The following MYO1D variants were observed in gnomAD, a reference collection of about 807,000 sequenced individuals.
The protein encoded by MYO1D is myosin ID.
In MYO1D, 83 loss-of-function variants were observed where a neutral mutation model predicts 122.0. The observed-to-expected ratio is 0.68, with a 90% CI of 0.57 to 0.82. MYO1D has a LOEUF of 0.82. Among genes scored for constraint, MYO1D ranks in the 40% least tolerant of loss-of-function variants. MYO1D has a pLI of 0.00. For synonymous variants in MYO1D, 464 were observed against 446.9 expected (o/e 1.04, Z -0.48); for missense variants, 1,157 against 1,269.5 (o/e 0.91, Z 1.35).
intron 1 of MYO1D, among the ~76,000 whole-genome samples, chr17:32,805,228 A>C (rs796962250): frequency 6.6e-5 from 10 of 152,226 alleles, no homozygotes; most frequent in African/African-American, 2.2e-4. Flanking sequence ...TCCAAATTCC[A>C]GAACTGTGAG....
At chr17:32,543,905 G>A (rs1910932228) in intron 21 of MYO1D, among the ~76,000 whole-genome samples, 1 of 152,082 alleles carries the variant, frequency 6.6e-6, no homozygotes, top group Admixed American at 6.6e-5. Flanking sequence ...CAATTCTCCT[G>A]CCTCAGCCTC....
At chr17:32,715,291 A>T (rs2089429220) in intron 15 of MYO1D, among the ~76,000 whole-genome samples, 1 of 152,130 alleles carries the variant, frequency 6.6e-6, no homozygotes, top group South Asian at 2.1e-4. Context: ...ATGCCATTTG[A>T]CCCAGCAATC....
At chr17:32,684,228 T>TG (rs1258343700) in intron 16 of MYO1D, 1 of 156,150 alleles carries the variant, frequency 6.4e-6, no homozygotes, top group Non-Finnish European at 1.4e-5. Flanking sequence ...CGCTGGGAGC[T>TG]GTAGACCGGA....
At chr17:32,657,323 C>G (rs72815044) in intron 17 of MYO1D, among the ~76,000 whole-genome samples, 3,492 of 152,344 alleles carry the variant, frequency 0.023, 68 homozygotes, top group Middle Eastern at 0.041. Context: ...GTGCCTAGAT[C>G]AGGGGTTGGC....
rs1027595802 is a variant in MYO1D, at chr17:32,773,838, G to A, written c.565-996C>T. Among the ~76,000 whole-genome samples, 6 of 152,254 alleles carry A rather than the reference G, an allele frequency of 3.9e-5. No individual in the cohort carries two copies. The East Asian group carries it at 1.2e-3, about 29-fold the overall frequency. On this transcript the variant is annotated intron_variant, in intron 4 of 21. Coordinates refer to ENST00000318217, the MANE Select transcript of MYO1D (RefSeq NM_015194.3). ...GTACAATGGGCAAATGATCTGAGAT[G>A]CCTGACGTCCAGGCATTCTTTTACA... is the stretch of plus-strand genomic sequence containing the variant.
intron 4 of MYO1D, among the ~76,000 whole-genome samples, chr17:32,774,287 G>C (rs553077510): frequency 6.6e-6 from 1 of 152,306 alleles, no homozygotes; most frequent in South Asian, 2.1e-4. Flanking sequence ...CTAAGAATGA[G>C]TCTTCTCTAT....
chr17:32,513,443 T>A (rs899309972), intron 21 of MYO1D, among the ~76,000 whole-genome samples: 2 of 152,248 alleles, frequency 1.3e-5, no homozygotes, highest in South Asian at 2.1e-4. Context: ...AAAGAGAGAA[T>A]GAGTTTGTTT....
intron 21 of MYO1D, among the ~76,000 whole-genome samples, chr17:32,526,320 C>G (rs531397926): frequency 6.6e-6 from 1 of 152,310 alleles, no homozygotes; most frequent in East Asian, 1.9e-4. Flanking sequence ...TCCTTTCCCT[C>G]CAATATATTT....
chr17:32,502,006 G>A (rs1002806808), intron 21 of MYO1D, among the ~76,000 whole-genome samples: 33 of 152,090 alleles, frequency 2.2e-4, no homozygotes, highest in African/African-American at 4.8e-4. Context: ...GAATTGAATC[G>A]GAGGACACCC....
intron 21 of MYO1D, among the ~76,000 whole-genome samples, chr17:32,552,912 C>T (rs1376070913): frequency 1.3e-5 from 2 of 152,040 alleles, no homozygotes; most frequent in Non-Finnish European, 2.9e-5. Context: ...TGAAAAACAG[C>T]ATCAACCATT....
At chr17:32,524,726 C>A (rs1375170984) in intron 21 of MYO1D, among the ~76,000 whole-genome samples, 6 of 152,220 alleles carry the variant, frequency 3.9e-5, no homozygotes, top group Admixed American at 3.9e-4. Context: ...CCATGCCTGG[C>A]TGATTTTTGT....
In MYO1D at chr17:32,750,681, T is replaced by C. The variant is rs539941420; in HGVS notation, c.1468-1675A>G. 2.6e-4 allele frequency among the ~76,000 whole-genome samples: 40 copies of C among 152,314 alleles called. No individual in the cohort carries two copies. In the South Asian group the frequency reaches 8.3e-3, roughly 32 times the overall value. ...TATACAAAAACCACTTAGGTTCTAA[T>C]GTTCGATAACAAATAATCTCAACCT... On this transcript the variant is annotated intron_variant, in intron 11 of 21. Coordinates refer to ENST00000318217, the MANE Select transcript of MYO1D (RefSeq NM_015194.3).
At chr17:32,810,960 T>C (rs2090566211) in intron 1 of MYO1D, among the ~76,000 whole-genome samples, 1 of 152,254 alleles carries the variant, frequency 6.6e-6, no homozygotes. Flanking sequence ...ATTTGCCTTA[T>C]GGCATTACAC....
At chr17:32,646,015 T>G (rs566304324) in intron 19 of MYO1D, among the ~76,000 whole-genome samples, 1 of 152,278 alleles carries the variant, frequency 6.6e-6, no homozygotes, top group East Asian at 1.9e-4. Flanking sequence ...TGCTCTGTTT[T>G]TTCCCGATCT....
At chr17:32,753,568 C>T (rs1381010806) in intron 11 of MYO1D, among the ~76,000 whole-genome samples, 6 of 152,168 alleles carry the variant, frequency 3.9e-5, no homozygotes, top group Non-Finnish European at 8.8e-5. Flanking sequence ...CATGTCAAAT[C>T]AGTAGCAAAT....
chr17:32,869,062 A>T (rs955173880), intron 1 of MYO1D, among the ~76,000 whole-genome samples: 2 of 151,838 alleles, frequency 1.3e-5, no homozygotes, highest in Non-Finnish European at 2.9e-5. Context: ...TACAAAAAAA[A>T]AAAAAAATTA....
chr17:32,661,261 C>A (rs536169455), intron 16 of MYO1D, among the ~76,000 whole-genome samples: 6 of 152,284 alleles, frequency 3.9e-5, no homozygotes, highest in African/African-American at 1.4e-4. Context: ...AAAAAACACA[C>A]TAGCCCTTCT....
At chr17:32,597,850 C>T (rs562806894) in intron 21 of MYO1D, among the ~76,000 whole-genome samples, 103 of 105,870 alleles carry the variant, frequency 9.7e-4, no homozygotes, top group African/African-American at 3.6e-3. Flanking sequence ...GCCTGGGTGA[C>T]AGAGCAAAAC....
chr17:32,495,146 C>T (rs148536619), intron 21 of MYO1D, among the ~76,000 whole-genome samples: 1 of 152,362 alleles, frequency 6.6e-6, no homozygotes, highest in African/African-American at 2.4e-5. Context: ...CATGCCAGCG[C>T]ATGGGACTGG....
Sources: allele counts gnomAD v4.1 joint callset (sites outside exome capture counted in the v4.1 genomes callset), GRCh38; gene constraint gnomAD v4.1.1; transcripts MANE v1.5; gene names NCBI Gene and HGNC (gene_info 2026-07-23, HGNC 2026-07-21).